ARVCF: variants seen among roughly 807,000 people sequenced by gnomAD.
The protein encoded by ARVCF is splicing regulator ARVCF.
Under a neutral mutation model 90.9 loss-of-function variants are expected in ARVCF, and 66 were observed. The observed-to-expected ratio is 0.73, with a 90% CI of 0.60 to 0.89. ARVCF has a LOEUF of 0.89. Among genes scored for constraint, ARVCF ranks in the 40% least tolerant of loss-of-function variants. The pLI, the probability that ARVCF is intolerant of heterozygous loss-of-function variation, is 0.00. For missense variants in ARVCF, 1,469 were observed against 1,382.3 expected (o/e 1.06, Z -1.00); for synonymous variants, 653 against 603.4 (o/e 1.08, Z -1.21).
chr22:19,986,942 G>C (rs1943805249), intron 3 of ARVCF: 1 of 551,318 alleles, frequency 1.8e-6, no homozygotes, highest in African/African-American at 2.0e-5. Context: ...GCCCAGCCAG[G>C]GGCGCAAGAC....
rs945923980 is a variant in ARVCF at position 20,003,869 on chromosome 22, G to A, written c.-19+6586C>T. ...CATAGTACTAGAAGTTTTAGACAGA[G>A]TAATTAGGCAAGAAAAAGAAATAAA... On this transcript the variant is annotated intron_variant, in intron 2 of 19. Transcript: ENST00000263207. Among the ~76,000 whole-genome samples, 24 of 147,900 alleles carry A rather than the reference G, an allele frequency of 1.6e-4. 1 individual carries two copies. The highest frequency in any genetic ancestry group is 2.8e-4 in the Non-Finnish European group (19 of 67,106).
chr22:19,979,369 TCA>T lies in ARVCF; in HGVS notation c.1397-291_1397-290del. On this transcript the variant is annotated intron_variant, in intron 6 of 19. Transcript: ENST00000263207. ...CTAACACTCCTGAGGCCACAGGGCC[TCA>T]CAGAGACACGGTGACCCTACCTGTC... 9.6e-6 allele frequency: 5 copies of T among 520,396 alleles called. No individual in the cohort carries two copies. In the South Asian group the frequency reaches 1.0e-4, roughly 11 times the overall value. The allele number at this position is 520,396 out of a possible 1,614,324, so 32.2% of individuals were successfully genotyped here. A position where few individuals can be genotyped will look rare whatever the true frequency, so the allele number is the denominator to read the frequency against.
chr22:19,978,958 C>T lies in ARVCF; in HGVS notation c.1519G>A (p.Asp507Asn), dbSNP rs1943321396. 1 of 1,613,298 alleles carries T rather than the reference C, an allele frequency of 6.2e-7. No individual in the cohort carries two copies. Among genetic ancestry groups the T allele is most frequent in the South Asian group, 1.1e-5 (1 of 91,082 alleles). Residue 507 changes from aspartate (D) to asparagine (N), a missense_variant, in exon 7 of 20, where the codon GAC becomes AAC. Coordinates refer to ENST00000263207, the MANE Select transcript of ARVCF (RefSeq NM_001670.3). ...HSGWEREPNE[D>N]SKPRDAEWTT... Reference sequence around the variant, plus strand: ...CACTCGGCGTCCCGTGGCTTGGAGTCCTCGTTGGGCTCACGCTCCCATCCT... The same window carrying T: ...CACTCGGCGTCCCGTGGCTTGGAGTTCTCGTTGGGCTCACGCTCCCATCCT...
intron 2 of ARVCF, among the ~76,000 whole-genome samples, chr22:20,001,800 GAAAA>G (rs1472715606): frequency 2.0e-5 from 3 of 152,072 alleles, no homozygotes; most frequent in Non-Finnish European, 2.9e-5. Context: ...CTCAAAAAAA[GAAAA>G]GAAAGAAAGA....
At chr22:19,999,722 C>A (rs969874340) in intron 2 of ARVCF, among the ~76,000 whole-genome samples, 1 of 152,056 alleles carries the variant, frequency 6.6e-6, no homozygotes, top group African/African-American at 2.4e-5. Context: ...AGGGAGGGGC[C>A]GGGACCCTGA....
rs778610124 is a variant in ARVCF at position 19,990,771 on chromosome 22, C to T, written c.24G>A (p.Ser8=). Residue 8 remains serine (S), a synonymous_variant, in exon 3 of 20, where the codon TCG becomes TCA. Transcript: ENST00000263207. The part of the protein sequence containing the change: MEDCNVH[S]AASILASVKE... ...TCACCGAGGCCAGGATGCTGGCGGC[C>T]GAGTGCACATTGCAGTCCTCCATGA... 2.1e-5 allele frequency: 33 copies of T among 1,576,486 alleles called. No individual in the cohort carries two copies. The highest frequency in any genetic ancestry group is 2.7e-5 in the Non-Finnish European group (31 of 1,160,414).
At position 19,971,292 on chromosome 22, in the gene ARVCF, G is replaced by A. The variant is rs945566094; in HGVS notation, c.2825C>T (p.Pro942Leu). The stretch of plus-strand genomic sequence containing the variant: ...TACGGCGTCCACCAGCCTGACCGCG[G>A]GCCTGCTGGGCCCGGGGGGAGGGGC... The part of the protein sequence containing the change: ...RKAPPPGPSR[P>L]AVRLVDAVGD... Residue 942 changes from proline (P) to leucine (L), a missense_variant, in exon 19 of 20, where the codon CCC becomes CTC. Pro to Leu is a moderately conservative substitution (Grantham distance 98, BLOSUM62 -3). Transcript: ENST00000263207. 5.8e-6 allele frequency: 9 copies of A among 1,556,462 alleles called. No individual in the cohort carries two copies. The African/African-American group carries it at 9.5e-5, about 16-fold the overall frequency.
At chr22:19,987,390 A>C (rs1443810890) in intron 3 of ARVCF, among the ~76,000 whole-genome samples, 4 of 32,658 alleles carry the variant, frequency 1.2e-4, no homozygotes, top group East Asian at 1.0e-3. Context: ...ACTTCCCACC[A>C]CCTCCCCCCA....
Position 19,989,145 on chromosome 22 carries a change from G to A in ARVCF, c.210+1440C>T, listed in dbSNP as rs140722896. 1.8e-4 allele frequency among the ~76,000 whole-genome samples: 28 copies of A among 152,148 alleles called. No individual in the cohort carries two copies. In the East Asian group the frequency reaches 3.7e-3, roughly 20 times the overall value. ...GCTGGGCCCAGCGTTCTGCTTCCCC[G>A]CCTCAAGTTTGAGGGTAGAGGCCTC... On this transcript the variant is annotated intron_variant, in intron 3 of 19. Coordinates refer to ENST00000263207, the MANE Select transcript of ARVCF (RefSeq NM_001670.3).
At chr22:19,979,517 G>A (rs1257996762) in intron 6 of ARVCF, 2 of 676,490 alleles carry the variant, frequency 3.0e-6, no homozygotes, top group South Asian at 2.1e-5. Context: ...GAGGGGACAT[G>A]CCCGAGGGGC....
intron 13 of ARVCF, 75 bp from the exon 14 acceptor site, chr22:19,973,392 C>T (rs1052097389): frequency 1.3e-5 from 20 of 1,485,644 alleles, no homozygotes; most frequent in Admixed American, 4.1e-5. Flanking sequence ...CCCGCGAGGG[C>T]GAGGGGCACT....
At chr22:19,996,386 C>T (rs1304809766) in intron 2 of ARVCF, among the ~76,000 whole-genome samples, 4 of 151,704 alleles carry the variant, frequency 2.6e-5, no homozygotes, top group African/African-American at 9.7e-5. Flanking sequence ...GCAACACATG[C>T]AGTGAGCGTT....
intron 2 of ARVCF, among the ~76,000 whole-genome samples, chr22:20,005,410 A>G (rs117426640): frequency 0.023 from 3,576 of 152,266 alleles, 64 homozygotes; most frequent in East Asian, 0.066. Context: ...ATACAGACAA[A>G]TTAAGACCCT....
At chr22:19,991,402 G>T (rs1213842614) in intron 2 of ARVCF, among the ~76,000 whole-genome samples, 2 of 152,242 alleles carry the variant, frequency 1.3e-5, no homozygotes, top group Non-Finnish European at 2.9e-5. Flanking sequence ...CAGCAGTCCA[G>T]CCTCCACTCA....
chr22:19,984,591 C>A (rs1202554399), intron 3 of ARVCF, among the ~76,000 whole-genome samples: 1 of 152,180 alleles, frequency 6.6e-6, no homozygotes, highest in African/African-American at 2.4e-5. Context: ...TATACATGAC[C>A]CCTCAGACAG....
Position 19,977,984 on chromosome 22 carries a change from C to T in ARVCF, c.1672G>A (p.Val558Met), listed in dbSNP as rs779197841. 3 of 1,610,874 alleles carry T rather than the reference C, an allele frequency of 1.9e-6. No individual in the cohort carries two copies. Among genetic ancestry groups the T allele is most frequent in the East Asian group, 4.5e-5 (2 of 44,828 alleles). Residue 558 changes from valine (V) to methionine (M), a missense_variant, in exon 8 of 20, where the codon GTG becomes ATG. Transcript: ENST00000263207. ...DALLHALQSA[V>M]GRKDTDNKSV... Reference sequence around the variant, plus strand: ...TTGTTGTCAGTGTCCTTCCGGCCCACAGCCGACTGCAGGGCATGCAGGAGC... The same window carrying T: ...TTGTTGTCAGTGTCCTTCCGGCCCATAGCCGACTGCAGGGCATGCAGGAGC...
intron 3 of ARVCF, chr22:19,986,823 C>A (rs898996304): frequency 1.9e-5 from 8 of 420,914 alleles, no homozygotes; most frequent in Non-Finnish European, 3.0e-5. Flanking sequence ...GGGTCCCGAC[C>A]CCCCCAGGCC....
chr22:20,015,930 A>G (rs1945083892), intron 1 of ARVCF, among the ~76,000 whole-genome samples: 1 of 151,370 alleles, frequency 6.6e-6, no homozygotes, highest in South Asian at 2.1e-4. Context: ...TGGAGCTCTC[A>G]GGCCACCTGC....
chr22:19,988,257 A>G (rs1943894124), intron 3 of ARVCF, among the ~76,000 whole-genome samples: 1 of 152,172 alleles, frequency 6.6e-6, no homozygotes, highest in Non-Finnish European at 1.5e-5. Flanking sequence ...CCACCTGCAG[A>G]GGGGTGAGCT....
Sources: allele counts gnomAD v4.1 joint callset (sites outside exome capture counted in the v4.1 genomes callset), GRCh38; gene constraint gnomAD v4.1.1; transcripts MANE v1.5; gene names NCBI Gene and HGNC (gene_info 2026-07-23, HGNC 2026-07-21).